The following VPS13B variants were observed in gnomAD, a reference collection of about 807,000 sequenced individuals.
VPS13B encodes the protein intermembrane lipid transfer protein VPS13B.
VPS13B carries 285 observed loss-of-function variants against 426.4 expected under a neutral mutation model. The ratio of observed to expected loss-of-function variants is 0.67; its 90% CI spans 0.61 to 0.74. The LOEUF is 0.74. Ranked by LOEUF, VPS13B falls within the 30% of genes least tolerant of loss-of-function variation. The pLI is 0.00. For synonymous variants in VPS13B, 1,676 were observed against 1,676.4 expected (o/e 1.00, Z 0.01); for missense variants, 4,537 against 4,782.6 (o/e 0.95, Z 1.51).
chr8:99,189,058 C>T (rs1211556479), intron 16 of VPS13B, among the ~76,000 whole-genome samples: 1 of 152,170 alleles, frequency 6.6e-6, no homozygotes, highest in Non-Finnish European at 1.5e-5. Flanking sequence ...TGCCACCACG[C>T]CCGGCTAATT....
At chr8:99,828,394 GTTTTTTTTTTTTT>G (rs555108452) in intron 51 of VPS13B, among the ~76,000 whole-genome samples, 1 of 17,424 alleles carries the variant, frequency 5.7e-5, no homozygotes, top group African/African-American at 2.4e-4. Flanking sequence ...TACAACCACC[GTTTTTTTTTTTTT>G]TTTTTTTTTT....
chr8:99,134,739 A>G lies in VPS13B; in HGVS notation c.1302+12A>G, dbSNP rs373595907. On this transcript the variant is annotated intron_variant, in intron 9 of 61. Coordinates refer to ENST00000357162, the MANE Select transcript of VPS13B (RefSeq NM_152564.5). ...GAACTACAGTTGAGGTAATCTTTCA[A>G]TATTGAACCTGTATTTTTAAATATT... 1.4e-5 allele frequency: 22 copies of G among 1,571,604 alleles called. No homozygotes were observed. The highest frequency in any genetic ancestry group is 1.7e-4 in the Middle Eastern group (1 of 5,958).
chr8:99,470,098 C>T (rs758138151), intron 24 of VPS13B, among the ~76,000 whole-genome samples: 3 of 152,078 alleles, frequency 2.0e-5, no homozygotes, highest in Non-Finnish European at 4.4e-5. Context: ...TTTAAGCCAC[C>T]GAGTTTATGG....
chr8:99,624,005 A>AT (rs1255799704), intron 33 of VPS13B, among the ~76,000 whole-genome samples: 6 of 83,800 alleles, frequency 7.2e-5, no homozygotes, highest in Non-Finnish European at 9.4e-5. Flanking sequence ...ATATATATAT[A>AT]TATTTTTTTT....
At chr8:99,359,778 C>T (rs528408356) in intron 19 of VPS13B, among the ~76,000 whole-genome samples, 3 of 152,156 alleles carry the variant, frequency 2.0e-5, no homozygotes, top group Non-Finnish European at 4.4e-5. Context: ...TTAGAATCAG[C>T]GTACAACCAA....
At chr8:99,480,293 C>G (rs1429165957) in intron 24 of VPS13B, among the ~76,000 whole-genome samples, 1 of 152,130 alleles carries the variant, frequency 6.6e-6, no homozygotes, top group Non-Finnish European at 1.5e-5. Context: ...ACTTTAAACA[C>G]ACAGTGTACT....
intron 33 of VPS13B, among the ~76,000 whole-genome samples, chr8:99,612,187 C>T (rs1441926832): frequency 1.3e-5 from 2 of 152,178 alleles, no homozygotes; most frequent in South Asian, 2.1e-4. Flanking sequence ...GCTTTAGAGA[C>T]TGTGTTCTTG....
intron 58 of VPS13B, 64 bp from the exon 59 acceptor site, chr8:99,868,225 T>C (rs928370861): frequency 8.1e-6 from 13 of 1,605,526 alleles, no homozygotes; most frequent in Non-Finnish European, 1.1e-5. Context: ...GTGTTCCAGA[T>C]GGAGCCTTTC....
chr8:99,439,092 G>T (rs1817550778), intron 22 of VPS13B, among the ~76,000 whole-genome samples: 3 of 152,138 alleles, frequency 2.0e-5, no homozygotes, highest in African/African-American at 7.2e-5. Flanking sequence ...CAGCTGTGTT[G>T]AATTCATCTC....
intron 33 of VPS13B, among the ~76,000 whole-genome samples, chr8:99,582,319 A>AC (rs1468320493): frequency 6.6e-6 from 1 of 152,142 alleles, no homozygotes; most frequent in African/African-American, 2.4e-5. Flanking sequence ...TGATACCCTC[A>AC]CCTCATTCTG....
At chr8:99,432,254 A>G (rs193099034) in intron 22 of VPS13B, among the ~76,000 whole-genome samples, 87 of 152,112 alleles carry the variant, frequency 5.7e-4, no homozygotes, top group Non-Finnish European at 5.2e-4. Context: ...TTTGCATAGG[A>G]TTTTTTCTCT....
At chr8:99,870,979 G>T in intron 60 of VPS13B, 92 bp downstream of exon 60, 1 of 1,312,210 alleles carries the variant, frequency 7.6e-7, no homozygotes. Context: ...CATGCTTCCA[G>T]GGAGCCCAGG....
intron 2 of VPS13B, among the ~76,000 whole-genome samples, chr8:99,017,297 G>A (rs1841673052): frequency 6.6e-6 from 1 of 152,108 alleles, no homozygotes; most frequent in Non-Finnish European, 1.5e-5. Context: ...GTTGCCATAT[G>A]TGTGTGGATT....
chr8:99,472,090 T>C (rs1290145241), intron 24 of VPS13B, among the ~76,000 whole-genome samples: 2 of 152,086 alleles, frequency 1.3e-5, no homozygotes, highest in Admixed American at 1.3e-4. Context: ...TTACCATAGA[T>C]AGAGTGACAT....
intron 21 of VPS13B, among the ~76,000 whole-genome samples, chr8:99,400,349 T>C (rs899133141): frequency 7.2e-5 from 11 of 152,216 alleles, no homozygotes; most frequent in African/African-American, 2.7e-4. Context: ...TGAGGCAGGC[T>C]AACATTTTGT....
chr8:99,706,516 G>A (rs760854046), intron 36 of VPS13B, among the ~76,000 whole-genome samples: 28 of 152,136 alleles, frequency 1.8e-4, no homozygotes, highest in Non-Finnish European at 3.1e-4. Context: ...CTTCTAATGA[G>A]AAATCCAGTG....
Position 99,116,516 on chromosome 8 carries a change from C to A in VPS13B, c.937+642C>A, listed in dbSNP as rs551882223. The stretch of plus-strand genomic sequence containing the variant: ...TGGCATGATCATGGGTCACTGCAGC[C>A]GCGACCTCCCAGGCTCAGGTGATCC... On this transcript the variant is annotated intron_variant, in intron 7 of 61. Coordinates refer to ENST00000357162, the MANE Select transcript of VPS13B (RefSeq NM_152564.5). Among the ~76,000 whole-genome samples the A allele has an allele frequency of 3.9e-5, 6 of 152,268 alleles. No homozygotes were observed. The East Asian group carries it at 5.8e-4, about 15-fold the overall frequency.
At chr8:99,478,255 A>C (rs1270488283) in intron 24 of VPS13B, among the ~76,000 whole-genome samples, 3 of 151,878 alleles carry the variant, frequency 2.0e-5, no homozygotes, top group African/African-American at 7.2e-5. Flanking sequence ...ACTGAGAAAG[A>C]ACAGATTTAT....
chr8:99,335,612 A>G (rs1042862565), intron 19 of VPS13B, among the ~76,000 whole-genome samples: 12 of 151,870 alleles, frequency 7.9e-5, no homozygotes, highest in African/African-American at 2.9e-4. Context: ...TATCTAGAAA[A>G]CCCCATTGTC....
Sources: gnomAD v4.1 joint callset for allele counts (sites outside exome capture counted in the v4.1 genomes callset) on GRCh38, gnomAD v4.1.1 for gene constraint, MANE v1.5 for transcripts, NCBI Gene and HGNC (gene_info 2026-07-23, HGNC 2026-07-21) for gene names.